NUP153: variants seen among roughly 807,000 people sequenced by gnomAD.
The protein encoded by NUP153 is nuclear pore complex protein Nup153.
Under a neutral mutation model 134.6 loss-of-function variants are expected in NUP153, and 27 were observed. That is an observed-to-expected ratio of 0.20 (90% CI 0.15 to 0.28). The LOEUF (loss-of-function observed/expected upper bound fraction) is 0.28. Ranked by LOEUF, NUP153 falls within the 10% of genes least tolerant of loss-of-function variation. The probability of loss-of-function intolerance (pLI) is 1.00; values close to 1 mark genes in which losing one functional copy is unlikely to be tolerated. For synonymous variants in NUP153, 640 were observed against 623.5 expected, an observed-to-expected ratio of 1.03 and a Z score of -0.40; for missense variants, 1,821 against 1,731.3, an observed-to-expected ratio of 1.05 and a Z score of -0.92.
intron 9 of NUP153, among the ~76,000 whole-genome samples, chr6:17,663,661 T>C (rs1289514156): frequency 6.6e-6 from 1 of 152,176 alleles, no homozygotes; most frequent in African/African-American, 2.4e-5. Flanking sequence ...TGAATCAACA[T>C]AAAGAAATAC....
In NUP153 at chr6:17,693,508, T is replaced by C. The variant is rs529749302; in HGVS notation, c.112-4890A>G. Among the ~76,000 whole-genome samples, 11 of 152,342 alleles carry C rather than the reference T, an allele frequency of 7.2e-5. No individual in the cohort carries two copies. The South Asian group carries it at 2.1e-3, about 29-fold the overall frequency. On this transcript the variant is annotated intron_variant, in intron 1 of 21. Coordinates refer to ENST00000262077, the MANE Select transcript of NUP153 (RefSeq NM_005124.4). ...CCAGTCCTAGAGAAGGTAGTAGCGTTCTGCTATTGGTCTCTGGGTATCTTG... is the reference window on the plus strand; with the variant it reads ...CCAGTCCTAGAGAAGGTAGTAGCGTCCTGCTATTGGTCTCTGGGTATCTTG...
intron 1 of NUP153, among the ~76,000 whole-genome samples, chr6:17,694,324 T>C (rs78512215): frequency 0.019 from 2,939 of 152,260 alleles, 96 homozygotes; most frequent in African/African-American, 0.066. Flanking sequence ...TTCTGGTCCA[T>C]TTATGTACTG....
intron 1 of NUP153, among the ~76,000 whole-genome samples, chr6:17,696,521 C>T (rs1002977574): frequency 1.3e-5 from 2 of 152,032 alleles, no homozygotes; most frequent in Admixed American, 6.6e-5. Flanking sequence ...TTTGAGAGGC[C>T]GAGGCGGGTG....
rs1164097986 is a variant in NUP153 at position 17,615,113 on chromosome 6, A to T, written c.*984T>A. On this transcript the variant is annotated 3_prime_UTR_variant, in exon 22 of 22. Transcript: ENST00000262077. This position sits in a 1 kb window ranked among gnomAD's most constrained non-coding sequence, Gnocchi z 5.7. ...TTATACTGTAATAAACATGGCTTTAATATTAAACTTTTCCTTATTATCCAA... is the reference window on the plus strand; with the variant it reads ...TTATACTGTAATAAACATGGCTTTATTATTAAACTTTTCCTTATTATCCAA... The T allele has an allele frequency of 6.6e-6, 1 of 152,642 alleles. No individual in the cohort carries two copies. Among genetic ancestry groups the T allele is most frequent in the Non-Finnish European group, 1.5e-5 (1 of 68,026 alleles). The allele number at this position is 152,642 out of a possible 1,614,324, so 9.5% of individuals were successfully genotyped here. A position where few individuals can be genotyped will look rare whatever the true frequency, so the allele number is the denominator to read the frequency against.
At chr6:17,676,313 G>A (rs1053645863) in intron 2 of NUP153, among the ~76,000 whole-genome samples, 1 of 152,110 alleles carries the variant, frequency 6.6e-6, no homozygotes, top group Non-Finnish European at 1.5e-5. Flanking sequence ...CTCAATGATT[G>A]AGAAGCCACT....
At chr6:17,671,434 G>A (rs1049264763) in intron 5 of NUP153, among the ~76,000 whole-genome samples, 3 of 152,134 alleles carry the variant, frequency 2.0e-5, no homozygotes, top group Admixed American at 2.0e-4. Flanking sequence ...ATCTGAGCCT[G>A]AAGCTTCTTT....
At chr6:17,662,121 C>G in intron 9 of NUP153, 51 bp from the exon 10 acceptor site, 1 of 1,510,022 alleles carries the variant, frequency 6.6e-7, no homozygotes, top group Non-Finnish European at 9.1e-7. Flanking sequence ...TTGTAATTTT[C>G]TTAGTACCAC....
At chr6:17,637,799 G>A (rs759286324) in intron 15 of NUP153, 29 bp from the exon 16 acceptor site, 3 of 1,556,130 alleles carry the variant, frequency 1.9e-6, no homozygotes, top group Middle Eastern at 1.7e-4. Flanking sequence ...AGAGTGCAAC[G>A]TTAGAGAAGC....
At chr6:17,639,371 G>A (rs886404434) in intron 15 of NUP153, among the ~76,000 whole-genome samples, 1 of 152,030 alleles carries the variant, frequency 6.6e-6, no homozygotes, top group African/African-American at 2.4e-5. Context: ...GAGCCACCGC[G>A]CCTGGCAAGT....
At position 17,629,247 on chromosome 6, in the gene NUP153, T is replaced by C; in HGVS notation, c.2952A>G (p.Gly984=). ...KDSKNDNFKF[G]LSSGLSNPVS... ...CTGGGTTGCTTAAACCAGAAGAAAG[T>C]CCAAACTTAAAATTATCATTCTTAC... Residue 984 remains glycine, a synonymous_variant, in exon 18 of 22, where the codon GGA becomes GGG. Coordinates refer to ENST00000262077, the MANE Select transcript of NUP153 (RefSeq NM_005124.4). The C allele has an allele frequency of 1.1e-5, 18 of 1,612,992 alleles. No individual in the cohort carries two copies. The highest frequency in any genetic ancestry group is 1.5e-5 in the Non-Finnish European group (18 of 1,179,758).
chr6:17,659,949 T>A (rs866919795), intron 11 of NUP153, among the ~76,000 whole-genome samples: 1 of 151,932 alleles, frequency 6.6e-6, no homozygotes, highest in Non-Finnish European at 1.5e-5. Context: ...TCTAGTAGAG[T>A]GAGAAACAGA....
intron 11 of NUP153, 121 bp downstream of exon 11, chr6:17,661,532 C>G: frequency 1.2e-6 from 1 of 843,464 alleles, no homozygotes; most frequent in Non-Finnish European, 1.7e-6. Context: ...AGAACTGATT[C>G]AATAGCAGAT....
chr6:17,670,398 C>T (rs547950007), intron 5 of NUP153, among the ~76,000 whole-genome samples: 2 of 152,256 alleles, frequency 1.3e-5, no homozygotes, highest in South Asian at 4.2e-4. Context: ...TCCTGTGACC[C>T]TGTTAAACTC....
chr6:17,686,068 A>G (rs1768902716), intron 2 of NUP153, among the ~76,000 whole-genome samples: 1 of 152,098 alleles, frequency 6.6e-6, no homozygotes, highest in Non-Finnish European at 1.5e-5. Context: ...GGATCGCTTG[A>G]GCCTGGAAGG....
intron 16 of NUP153, among the ~76,000 whole-genome samples, chr6:17,633,158 C>T (rs2113778556): frequency 6.6e-6 from 1 of 152,308 alleles, no homozygotes; most frequent in South Asian, 2.1e-4. Context: ...GAAAAAAAAT[C>T]ATGCTCGCAA....
intron 1 of NUP153, among the ~76,000 whole-genome samples, chr6:17,696,551 C>T (rs964665561): frequency 6.6e-6 from 1 of 151,958 alleles, no homozygotes; most frequent in Admixed American, 6.6e-5. Flanking sequence ...GTCAGGAGAT[C>T]GAGACCATCC....
intron 16 of NUP153, among the ~76,000 whole-genome samples, chr6:17,636,386 A>G (rs2113782887): frequency 6.6e-6 from 1 of 152,230 alleles, no homozygotes; most frequent in African/African-American, 2.4e-5. Context: ...TCATAGGGAA[A>G]TATCCAGTAG....
intron 2 of NUP153, among the ~76,000 whole-genome samples, chr6:17,686,876 G>A (rs1028540107): frequency 2.2e-5 from 3 of 139,044 alleles, no homozygotes; most frequent in African/African-American, 8.0e-5. Flanking sequence ...TCAGTAATGG[G>A]CAGCCGGGGG....
chr6:17,651,903 G>A (rs765375234), intron 11 of NUP153: 1 of 675,420 alleles, frequency 1.5e-6, no homozygotes, highest in South Asian at 1.5e-5. Flanking sequence ...AGATCAGCTT[G>A]GGCAATACGG....
Sources: gnomAD v4.1 joint callset for allele counts (sites outside exome capture counted in the v4.1 genomes callset) on GRCh38, gnomAD v4.1.1 for gene constraint, Gnocchi (gnomAD v3.1) non-coding constraint, MANE v1.5 for transcripts, NCBI Gene and HGNC (gene_info 2026-07-23, HGNC 2026-07-21) for gene names.